The following CNTNAP2 variants were observed in gnomAD, a reference collection of about 807,000 sequenced individuals.
The protein encoded by CNTNAP2 is contactin associated protein 2, also known as contactin-associated protein-like 2.
Under a neutral mutation model 155.2 loss-of-function variants are expected in CNTNAP2, and 98 were observed. The ratio of observed to expected loss-of-function variants is 0.63; its 90% CI spans 0.54 to 0.75. The LOEUF is 0.75. Ranked by LOEUF, CNTNAP2 falls within the 30% of genes least tolerant of loss-of-function variation. The probability of loss-of-function intolerance (pLI) is 0.00; values close to 1 mark genes in which losing one functional copy is unlikely to be tolerated. For synonymous variants in CNTNAP2, 651 were observed against 631.2 expected, an observed-to-expected ratio of 1.03 and a Z score of -0.47; for missense variants, 1,727 against 1,688.1, an observed-to-expected ratio of 1.02 and a Z score of -0.40.
At position 147,235,979 on chromosome 7, in the gene CNTNAP2, C is replaced by A. The variant is rs1181453928; in HGVS notation, c.1349-64162C>A. ...AATGCCAACCCAATGTCATAGGGTT[C>A]ATTCCAGTCTTCCTCTTTGACATAA... On this transcript the variant is annotated intron_variant, in intron 8 of 23. Coordinates refer to ENST00000361727, the MANE Select transcript of CNTNAP2 (RefSeq NM_014141.6). Among the ~76,000 whole-genome samples, 8 of 152,224 alleles carry A rather than the reference C, an allele frequency of 5.3e-5. No homozygotes were observed. The South Asian group carries it at 1.4e-3, about 28-fold the overall frequency.
intron 13 of CNTNAP2, among the ~76,000 whole-genome samples, chr7:147,788,625 A>G (rs1158742051): frequency 3.3e-5 from 5 of 152,138 alleles, no homozygotes; most frequent in Non-Finnish European, 1.5e-5. Context: ...ATCAAAATTT[A>G]TCTCTCACAC....
At chr7:147,331,652 G>A (rs1022822611) in intron 9 of CNTNAP2, among the ~76,000 whole-genome samples, 1 of 152,122 alleles carries the variant, frequency 6.6e-6, no homozygotes, top group Admixed American at 6.5e-5. Context: ...CGGCAGAGAA[G>A]CACAGGGCAC....
intron 2 of CNTNAP2, among the ~76,000 whole-genome samples, chr7:146,837,605 G>A (rs1777681357): frequency 6.6e-6 from 1 of 151,930 alleles, no homozygotes; most frequent in Non-Finnish European, 1.5e-5. Flanking sequence ...TTGTCCAAAT[G>A]TCTAGTATAT....
chr7:147,707,465 G>A (rs1193381917), intron 13 of CNTNAP2, among the ~76,000 whole-genome samples: 2 of 152,246 alleles, frequency 1.3e-5, no homozygotes, highest in Non-Finnish European at 1.5e-5. Context: ...AGTGGAGGCT[G>A]TGATGAAGAT....
intron 13 of CNTNAP2, among the ~76,000 whole-genome samples, chr7:147,900,354 G>T (rs754684610): frequency 1.0e-3 from 155 of 152,268 alleles, no homozygotes; most frequent in Non-Finnish European, 1.9e-3. Flanking sequence ...TAGTGAGGAA[G>T]TTCTCACAAG....
At chr7:146,978,706 TATATA>T (rs1397829822) in intron 3 of CNTNAP2, among the ~76,000 whole-genome samples, 5 of 151,080 alleles carry the variant, frequency 3.3e-5, no homozygotes, top group African/African-American at 1.2e-4. Context: ...AGATCATATA[TATATA>T]ATATATATAT....
chr7:146,699,744 G>A (rs1462731930), intron 1 of CNTNAP2, among the ~76,000 whole-genome samples: 1 of 151,992 alleles, frequency 6.6e-6, no homozygotes, highest in African/African-American at 2.4e-5. Context: ...GAGGTGGGAG[G>A]ATCATCTGAA....
intron 4 of CNTNAP2, chr7:147,097,436 C>T (rs1164381676): frequency 6.6e-6 from 1 of 152,214 alleles, no homozygotes; most frequent in Non-Finnish European, 1.5e-5. Context: ...ACTTACAATT[C>T]CTCATGGCTA....
chr7:147,948,671 G>A (rs2116826162), intron 14 of CNTNAP2, among the ~76,000 whole-genome samples: 1 of 149,722 alleles, frequency 6.7e-6, no homozygotes, highest in Non-Finnish European at 1.5e-5. Context: ...ATATATATGT[G>A]TGTGTGTGTA....
At chr7:146,231,583 G>A (rs1425943582) in intron 1 of CNTNAP2, among the ~76,000 whole-genome samples, 8 of 152,200 alleles carry the variant, frequency 5.3e-5, no homozygotes, top group Non-Finnish European at 8.8e-5. Flanking sequence ...CTGTGCTTTT[G>A]CATAGTAATC....
chr7:146,787,638 C>T (rs548313360), intron 2 of CNTNAP2, among the ~76,000 whole-genome samples: 1 of 152,112 alleles, frequency 6.6e-6, no homozygotes, highest in Non-Finnish European at 1.5e-5. Flanking sequence ...AGCGAAAGAA[C>T]AAACCTTCCC....
At position 147,034,672 on chromosome 7, in the gene CNTNAP2, C is replaced by T. The variant is rs142108658; in HGVS notation, c.403-9235C>T. Among the ~76,000 whole-genome samples, 783 of 152,102 alleles carry T rather than the reference C, an allele frequency of 5.1e-3. 10 individuals are homozygous for T. Among genetic ancestry groups the T allele is most frequent in the African/African-American group, 0.018 (749 of 41,502 alleles). On this transcript the variant is annotated intron_variant, in intron 3 of 23. Coordinates refer to ENST00000361727, the MANE Select transcript of CNTNAP2 (RefSeq NM_014141.6). ...GGTGTAAGGTTTTACTGAATGGAGG[C>T]GGGTCTCAGCGAGGTGGATGGGGAG...
intron 2 of CNTNAP2, among the ~76,000 whole-genome samples, chr7:146,808,049 T>G (rs7776949): frequency 0.18 from 27,553 of 152,166 alleles, 7,878 homozygotes; most frequent in African/African-American, 0.61. Flanking sequence ...ATAGGATGTT[T>G]CTGCTGCAGC....
intron 9 of CNTNAP2, among the ~76,000 whole-genome samples, chr7:147,320,490 G>A (rs2620459): frequency 0.49 from 74,524 of 151,792 alleles, 19,433 homozygotes; most frequent in East Asian, 0.73. Flanking sequence ...CAATACATAG[G>A]ACATTTTTAT....
chr7:146,581,108 CCTT>C, intron 1 of CNTNAP2, among the ~76,000 whole-genome samples: 1 of 152,182 alleles, frequency 6.6e-6, no homozygotes, highest in East Asian at 1.9e-4. Flanking sequence ...GACAAACACA[CCTT>C]CTGTGTTTAA....
At chr7:146,654,509 A>C (rs1799964214) in intron 1 of CNTNAP2, among the ~76,000 whole-genome samples, 2 of 152,204 alleles carry the variant, frequency 1.3e-5, no homozygotes, top group South Asian at 4.1e-4. Context: ...GCAGTTAGAC[A>C]AAATGACATA....
chr7:146,746,391 A>G (rs184906090), intron 1 of CNTNAP2, among the ~76,000 whole-genome samples: 3 of 152,286 alleles, frequency 2.0e-5, no homozygotes, highest in Admixed American at 1.3e-4. Context: ...TTTTTGACAT[A>G]TGTTTTCATT....
At chr7:148,031,045 T>C (rs1221478231) in intron 15 of CNTNAP2, among the ~76,000 whole-genome samples, 1 of 152,070 alleles carries the variant, frequency 6.6e-6, no homozygotes, top group Non-Finnish European at 1.5e-5. Flanking sequence ...ACTGGAAAGT[T>C]TTCAAGCATG....
At chr7:147,151,703 A>G (rs548083893) in intron 8 of CNTNAP2, among the ~76,000 whole-genome samples, 7 of 152,320 alleles carry the variant, frequency 4.6e-5, no homozygotes, top group African/African-American at 1.4e-4. Flanking sequence ...AAAATCATGT[A>G]CACATAAAAC....
Sources: allele counts gnomAD v4.1 joint callset (sites outside exome capture counted in the v4.1 genomes callset), GRCh38; gene constraint gnomAD v4.1.1; transcripts MANE v1.5; gene names NCBI Gene and HGNC (gene_info 2026-07-23, HGNC 2026-07-21).